HOMER1: variants seen among roughly 807,000 people sequenced by gnomAD.
The protein encoded by HOMER1 is homer protein homolog 1.
In HOMER1, 3 loss-of-function variants were observed where a neutral mutation model predicts 48.9. The observed-to-expected ratio is 0.06, with a 90% confidence interval of 0.03 to 0.16. The LOEUF is 0.16. Ranked by LOEUF, HOMER1 falls within the 10% of genes least tolerant of loss-of-function variation. The probability of loss-of-function intolerance (pLI) is 1.00; values close to 1 mark genes in which losing one functional copy is unlikely to be tolerated. For missense variants in HOMER1, 247 were observed against 411.4 expected (o/e 0.60, Z 3.46); for synonymous variants, 134 against 146.4 (o/e 0.92, Z 0.61).
chr5:79,382,797 T>G (rs1206432550), intron 8 of HOMER1, among the ~76,000 whole-genome samples: 2 of 151,924 alleles, frequency 1.3e-5, no homozygotes, highest in East Asian at 1.9e-4. Flanking sequence ...CAAATCACAA[T>G]GACGAACAAT....
intron 8 of HOMER1, among the ~76,000 whole-genome samples, chr5:79,378,221 T>TTAAAAAAAA (rs756900477): frequency 0.019 from 1,825 of 97,300 alleles, 114 homozygotes; most frequent in African/African-American, 0.079. Flanking sequence ...AGACTCTGTC[T>TTAAAAAAAA]CAAAAAAAAA....
intron 5 of HOMER1, among the ~76,000 whole-genome samples, chr5:79,409,507 A>G (rs893195102): frequency 7.2e-5 from 11 of 152,112 alleles, no homozygotes; most frequent in African/African-American, 2.7e-4. Flanking sequence ...AAAAAAGCAC[A>G]GGCAACAAAA....
In HOMER1 at chr5:79,439,138, G is replaced by C. The variant is rs376292792; in HGVS notation, c.399C>G (p.Gly133=). The C allele has an allele frequency of 1.2e-5, 19 of 1,613,534 alleles. No homozygotes were observed. Among genetic ancestry groups the C allele is most frequent in the African/African-American group, 2.7e-5 (2 of 74,868 alleles). Residue 133 remains glycine (G), a synonymous_variant, in exon 5 of 9, where the codon GGC becomes GGG. Coordinates refer to ENST00000334082, the MANE Select transcript of HOMER1 (RefSeq NM_004272.5). ...GTGTTAAAGGAGACTGAAGATCCCC[G>C]CCTGCGGATTCCTTTAAAAAAAGGG... The part of the protein sequence containing the change: ...LTSTPSQESA[G]GDLQSPLTPE...
chr5:79,503,772 T>C (rs1752673652), intron 1 of HOMER1, among the ~76,000 whole-genome samples: 1 of 151,636 alleles, frequency 6.6e-6, no homozygotes, highest in South Asian at 2.1e-4. Flanking sequence ...AGAGAAAATG[T>C]ATTTACTATC....
At chr5:79,422,827 CTTTTTTT>C (rs556704839) in intron 5 of HOMER1, among the ~76,000 whole-genome samples, 7 of 121,534 alleles carry the variant, frequency 5.8e-5, no homozygotes, top group Non-Finnish European at 1.2e-4. Flanking sequence ...AAGATGATCT[CTTTTTTT>C]TTTTTTTTTT....
At chr5:79,512,665 A>G (rs1191083798) in intron 1 of HOMER1, 105 bp downstream of exon 1, 2 of 1,080,528 alleles carry the variant, frequency 1.9e-6, no homozygotes, top group Admixed American at 1.9e-5. Flanking sequence ...CCAGCTTAGC[A>G]AGGTGGCAAG....
chr5:79,436,336 GT>G (rs1750583667), intron 5 of HOMER1, among the ~76,000 whole-genome samples: 1 of 152,148 alleles, frequency 6.6e-6, no homozygotes, highest in Non-Finnish European at 1.5e-5. Context: ...GATAGGAACA[GT>G]TACTAACTTC....
chr5:79,513,131 T>C lies in HOMER1; in HGVS notation c.-357A>G. 1 of 278,156 alleles carries C rather than the reference T, an allele frequency of 3.6e-6. No homozygotes were observed. Among genetic ancestry groups the C allele is most frequent in the East Asian group, 9.2e-5 (1 of 10,816 alleles). The allele number at this position is 278,156 out of a possible 1,614,324, so 17.2% of individuals were successfully genotyped here. ...GAGTTCGCTGGTCATTTCACTCATGTCCTCCTCGACACTCAGGGAGAGCCA... is the reference window on the plus strand; with the variant it reads ...GAGTTCGCTGGTCATTTCACTCATGCCCTCCTCGACACTCAGGGAGAGCCA... On this transcript the variant is annotated 5_prime_UTR_variant, in exon 1 of 9. Coordinates refer to ENST00000334082, the MANE Select transcript of HOMER1 (RefSeq NM_004272.5).
chr5:79,407,884 T>C (rs1201557703), intron 5 of HOMER1, among the ~76,000 whole-genome samples: 1 of 152,198 alleles, frequency 6.6e-6, no homozygotes, highest in African/African-American at 2.4e-5. Context: ...ATTCATTGTT[T>C]CTCTTTCTGT....
intron 8 of HOMER1, among the ~76,000 whole-genome samples, chr5:79,378,828 C>T (rs1265997543): frequency 1.3e-5 from 2 of 151,744 alleles, no homozygotes; most frequent in Non-Finnish European, 2.9e-5. Flanking sequence ...AAGCAAAACA[C>T]AAAATTCCCT....
chr5:79,428,306 G>C (rs1750326221), intron 5 of HOMER1, among the ~76,000 whole-genome samples: 1 of 152,068 alleles, frequency 6.6e-6, no homozygotes, highest in South Asian at 2.1e-4. Flanking sequence ...CCCTGATAAA[G>C]AGCATCTATG....
chr5:79,410,261 G>A (rs1749780736), intron 5 of HOMER1, among the ~76,000 whole-genome samples: 1 of 152,016 alleles, frequency 6.6e-6, no homozygotes, highest in Non-Finnish European at 1.5e-5. Flanking sequence ...GGAGGCCGAG[G>A]CGGGCGAACC....
intron 8 of HOMER1, among the ~76,000 whole-genome samples, chr5:79,376,440 T>C (rs1748775475): frequency 2.0e-5 from 3 of 152,216 alleles, no homozygotes; most frequent in South Asian, 2.1e-4. Context: ...TACTGACTCA[T>C]TACTTTGTGC....
chr5:79,479,263 G>A (rs10070879), intron 1 of HOMER1, among the ~76,000 whole-genome samples: 28,872 of 152,160 alleles, frequency 0.19, 3,023 homozygotes, highest in East Asian at 0.32. Context: ...GTAGAAGGCT[G>A]AATAATGGCC....
intron 1 of HOMER1, among the ~76,000 whole-genome samples, chr5:79,467,113 A>G (rs1751487390): frequency 6.6e-6 from 1 of 151,904 alleles, no homozygotes; most frequent in Non-Finnish European, 1.5e-5. Flanking sequence ...AAACAAATGA[A>G]TTAGGCTGGG....
chr5:79,397,436 T>C, intron 7 of HOMER1, 91 bp downstream of exon 7: 1 of 841,910 alleles, frequency 1.2e-6, no homozygotes, highest in East Asian at 2.6e-5. Context: ...CCTGACTTTA[T>C]TCCATAAAAT....
chr5:79,403,386 A>G (rs1749581816), intron 5 of HOMER1, among the ~76,000 whole-genome samples: 1 of 152,182 alleles, frequency 6.6e-6, no homozygotes, highest in South Asian at 2.1e-4. Context: ...CAAGATTTCT[A>G]AAGTTTATCA....
chr5:79,490,275 CTTCT>C (rs1418672806), intron 1 of HOMER1, among the ~76,000 whole-genome samples: 1 of 152,144 alleles, frequency 6.6e-6, no homozygotes, highest in African/African-American at 2.4e-5. Flanking sequence ...GTAATATGAG[CTTCT>C]TTTATTTATT....
rs944507755 is a variant in HOMER1 at position 79,514,077 on chromosome 5, A to AGGGG, written c.-1304_-1303insCCCC. On this transcript the variant is annotated 5_prime_UTR_variant, in exon 1 of 9. Coordinates refer to ENST00000334082, the MANE Select transcript of HOMER1 (RefSeq NM_004272.5). ...CCGCCGGCCGGCCGGCTGGCAGAGAAGAGGGTGCTGCTTTCCCGGTCAGCG... is the reference window on the plus strand; with the variant it reads ...CCGCCGGCCGGCCGGCTGGCAGAGAAGGGGGAGGGTGCTGCTTTCCCGGTCAGCG... 1 of 151,958 alleles carries AGGGG rather than the reference A, an allele frequency of 6.6e-6. No individual in the cohort carries two copies. The highest frequency in any genetic ancestry group is 2.4e-5 in the African/African-American group (1 of 41,406). 9.4% of individuals were successfully genotyped at this position (151,958 alleles called of 1,614,324 possible). A position where few individuals can be genotyped will look rare whatever the true frequency, so the allele number is the denominator to read the frequency against.
Sources: gnomAD v4.1 joint callset for allele counts (sites outside exome capture counted in the v4.1 genomes callset) on GRCh38, gnomAD v4.1.1 for gene constraint, MANE v1.5 for transcripts, NCBI Gene and HGNC (gene_info 2026-07-23, HGNC 2026-07-21) for gene names.